The following KCNMB4 variants were observed in gnomAD, a reference collection of about 807,000 sequenced individuals.
KCNMB4 encodes the protein potassium calcium-activated channel subfamily M regulatory beta subunit 4, also known as calcium-activated potassium channel subunit beta-4.
Under a neutral mutation model 20.7 loss-of-function variants are expected in KCNMB4, and 3 were observed. That is an observed-to-expected ratio of 0.14 (90% CI 0.07 to 0.37). The LOEUF (loss-of-function observed/expected upper bound fraction) is 0.37. KCNMB4 is among the 10% of genes least tolerant of loss of function. The probability of loss-of-function intolerance (pLI) is 1.00; values close to 1 mark genes in which losing one functional copy is unlikely to be tolerated. For missense variants in KCNMB4, 168 were observed against 265.9 expected, an observed-to-expected ratio of 0.63 and a Z score of 2.56; for synonymous variants, 110 against 113.4, an observed-to-expected ratio of 0.97 and a Z score of 0.19.
intron 2 of KCNMB4, among the ~76,000 whole-genome samples, chr12:70,423,680 G>A (rs552547713): frequency 6.6e-6 from 1 of 152,172 alleles, no homozygotes; most frequent in South Asian, 2.1e-4. Flanking sequence ...GTCTCCCTAT[G>A]TTGCCCAGGC....
chr12:70,424,102 GC>G (rs1869143379), intron 2 of KCNMB4, among the ~76,000 whole-genome samples: 1 of 152,118 alleles, frequency 6.6e-6, no homozygotes, highest in African/African-American at 2.4e-5. Context: ...AGGACAAATG[GC>G]TTTTTAGGAG....
intron 1 of KCNMB4, among the ~76,000 whole-genome samples, chr12:70,398,570 A>G (rs1868379448): frequency 6.6e-6 from 1 of 152,286 alleles, no homozygotes; most frequent in African/African-American, 2.4e-5. Flanking sequence ...CATTTGCATA[A>G]CATGTTGTGA....
chr12:70,402,664 A>AG (rs1321120624), intron 2 of KCNMB4, among the ~76,000 whole-genome samples: 1 of 151,262 alleles, frequency 6.6e-6, no homozygotes, highest in African/African-American at 2.4e-5. Context: ...CAAAAAAAAA[A>AG]AAAAAAAAAA....
At chr12:70,406,078 A>C (rs1280091029) in intron 2 of KCNMB4, among the ~76,000 whole-genome samples, 3 of 152,196 alleles carry the variant, frequency 2.0e-5, no homozygotes, top group African/African-American at 7.2e-5. Flanking sequence ...AAAATAGTCA[A>C]ATTCATAGAT....
chr12:70,372,812 A>G (rs1045941732), intron 1 of KCNMB4, among the ~76,000 whole-genome samples: 1 of 152,190 alleles, frequency 6.6e-6, no homozygotes, highest in South Asian at 2.1e-4. Flanking sequence ...GAGAGGTACA[A>G]ACATTATGAT....
At chr12:70,372,081 T>G (rs1446666960) in intron 1 of KCNMB4, among the ~76,000 whole-genome samples, 2 of 152,134 alleles carry the variant, frequency 1.3e-5, no homozygotes, top group African/African-American at 4.8e-5. Context: ...TAATGAATCA[T>G]GTGGCTATCT....
intron 2 of KCNMB4, chr12:70,422,942 A>G (rs1280007027): frequency 1.4e-6 from 1 of 723,402 alleles, no homozygotes; most frequent in South Asian, 3.4e-5. Flanking sequence ...TGGTTGAGAC[A>G]ATTACTTCAC....
rs1006308914 is a variant in KCNMB4 at position 70,431,872 on chromosome 12, G to C, written c.*1219G>C. On this transcript the variant is annotated 3_prime_UTR_variant, in exon 3 of 3. Coordinates refer to ENST00000258111, the MANE Select transcript of KCNMB4 (RefSeq NM_014505.6). ...AAAAACTGACAACCTAATTTCATTT[G>C]TTTTCTTCTGATACTCTTCAGACAT... The C allele has an allele frequency of 2.6e-5, 4 of 152,024 alleles. No homozygotes were observed. Among genetic ancestry groups the C allele is most frequent in the African/African-American group, 9.7e-5 (4 of 41,384 alleles). The allele number at this position is 152,024 out of a possible 1,614,324, so 9.4% of individuals were successfully genotyped here. A position where few individuals can be genotyped will look rare whatever the true frequency, so the allele number is the denominator to read the frequency against.
intron 1 of KCNMB4, among the ~76,000 whole-genome samples, chr12:70,375,012 A>G (rs1883660806): frequency 6.6e-6 from 1 of 152,192 alleles, no homozygotes; most frequent in Admixed American, 6.5e-5. Context: ...ATAATACTCT[A>G]TAGTGAGTGC....
At chr12:70,410,290 A>G (rs11178228) in intron 2 of KCNMB4, among the ~76,000 whole-genome samples, 23,062 of 152,190 alleles carry the variant, frequency 0.15, 2,117 homozygotes, top group Admixed American at 0.3. Flanking sequence ...TGTTTTTATT[A>G]CTATTATTAA....
At chr12:70,368,562 A>C (rs1163548590) in intron 1 of KCNMB4, among the ~76,000 whole-genome samples, 5 of 152,146 alleles carry the variant, frequency 3.3e-5, no homozygotes, top group Admixed American at 2.0e-4. Context: ...TCAGGAATTT[A>C]AAAAGAAATC....
intron 1 of KCNMB4, among the ~76,000 whole-genome samples, chr12:70,393,498 G>A (rs188546910): frequency 2.5e-4 from 38 of 152,210 alleles, no homozygotes; most frequent in South Asian, 1.0e-3. Context: ...ACCACGCCCC[G>A]CCGTGTTTTT....
chr12:70,391,201 T>C (rs1868296234), intron 1 of KCNMB4, among the ~76,000 whole-genome samples: 1 of 152,214 alleles, frequency 6.6e-6, no homozygotes, highest in Non-Finnish European at 1.5e-5. Context: ...GAAGGTTATC[T>C]ATTTATTTTA....
chr12:70,382,174 G>A (rs1253504224), intron 1 of KCNMB4, among the ~76,000 whole-genome samples: 5 of 151,752 alleles, frequency 3.3e-5, no homozygotes, highest in Admixed American at 1.3e-4. Flanking sequence ...GGCCGGGCGC[G>A]GTGGCTCACG....
intron 2 of KCNMB4, among the ~76,000 whole-genome samples, chr12:70,407,460 CTTTTTTTTTTT>C (rs35371839): frequency 1.7e-4 from 11 of 64,184 alleles, no homozygotes; most frequent in African/African-American, 5.7e-4. Flanking sequence ...GTGCTGAATT[CTTTTTTTTTTT>C]TTTTTTTTTT....
chr12:70,420,568 T>A (rs1029558825), intron 2 of KCNMB4, among the ~76,000 whole-genome samples: 3 of 152,170 alleles, frequency 2.0e-5, no homozygotes, highest in African/African-American at 7.2e-5. Context: ...AACACAGCCC[T>A]GCTGACACCT....
At chr12:70,424,444 A>AG (rs1430936452) in intron 2 of KCNMB4, among the ~76,000 whole-genome samples, 1 of 150,162 alleles carries the variant, frequency 6.7e-6, no homozygotes, top group Non-Finnish European at 1.5e-5. Flanking sequence ...CCATCTCAGA[A>AG]AAAAAAAAAA....
At chr12:70,396,292 T>C (rs372336694) in intron 1 of KCNMB4, among the ~76,000 whole-genome samples, 15 of 152,304 alleles carry the variant, frequency 9.8e-5, no homozygotes, top group African/African-American at 3.6e-4. Context: ...CCATTTGCCA[T>C]TGGGACCTTG....
chr12:70,391,950 C>G (rs1038571918), intron 1 of KCNMB4, among the ~76,000 whole-genome samples: 1 of 152,132 alleles, frequency 6.6e-6, no homozygotes, highest in Non-Finnish European at 1.5e-5. Flanking sequence ...TAATGCAGCT[C>G]TCTTTAGAAA....
Sources: allele counts gnomAD v4.1 joint callset (sites outside exome capture counted in the v4.1 genomes callset), GRCh38; gene constraint gnomAD v4.1.1; transcripts MANE v1.5; gene names NCBI Gene and HGNC (gene_info 2026-07-23, HGNC 2026-07-21).